The following RAB37 variants were observed in gnomAD, a reference collection of about 807,000 sequenced individuals.
RAB37 encodes RAB37, member RAS oncogene family, also known as ras-related protein Rab-37.
RAB37 carries 29 observed loss-of-function variants against 33.1 expected under a neutral mutation model. That is an observed-to-expected ratio of 0.88 (90% CI 0.65 to 1.20). The LOEUF (loss-of-function observed/expected upper bound fraction) is 1.20, where lower values mean the gene tolerates loss of function less well. Among genes scored for constraint, RAB37 ranks in the 50% most tolerant of loss-of-function variants. RAB37 has a pLI of 0.00. For synonymous variants in RAB37, 128 were observed against 119.5 expected (o/e 1.07, Z -0.47); for missense variants, 299 against 301.1 (o/e 0.99, Z 0.05).
rs1285375647 is a variant in RAB37, at chr17:74,730,693, C to T, written c.183+1327C>T. ...CCCACCCCAGCCCAGGCCCAGTCTG[C>T]TCTCAGCAGCCAGGGCACACCCTGC... is the stretch of plus-strand genomic sequence containing the variant. On this transcript the variant is annotated intron_variant, in intron 2 of 7. Coordinates refer to the RAB37 transcript ENST00000340415. This position sits in a 1 kb window ranked among gnomAD's most constrained non-coding sequence, Gnocchi z 4.4. Among the ~76,000 whole-genome samples the T allele has an allele frequency of 6.6e-6, 1 of 152,130 alleles. No individual in the cohort carries two copies. Among genetic ancestry groups the T allele is most frequent in the Non-Finnish European group, 1.5e-5 (1 of 68,014 alleles).
intron 1 of RAB37, among the ~76,000 whole-genome samples, chr17:74,673,182 C>A (rs1235110637): frequency 1.3e-5 from 2 of 151,916 alleles, no homozygotes; most frequent in African/African-American, 2.4e-5. Context: ...AGGCGGTGGA[C>A]CGCTTGAGGT....
Position 74,697,237 on chromosome 17 carries a change from C to G in RAB37, c.72+25579C>G, listed in dbSNP as rs2032576970. 2.0e-5 allele frequency among the ~76,000 whole-genome samples: 3 copies of G among 152,280 alleles called. No homozygotes were observed. In the South Asian group the frequency reaches 6.2e-4, roughly 32 times the overall value. ...GAGATTATAGGCATGAGCCACGACACCCAGAGATTGGATTGGATTGTTTTT... is the reference window on the plus strand; with the variant it reads ...GAGATTATAGGCATGAGCCACGACAGCCAGAGATTGGATTGGATTGTTTTT... On this transcript the variant is annotated intron_variant, in intron 1 of 7. Coordinates refer to the RAB37 transcript ENST00000340415.
chr17:74,704,622 C>T (rs1159980155), intron 1 of RAB37: 3 of 1,614,190 alleles, frequency 1.9e-6, no homozygotes, highest in South Asian at 2.2e-5. Flanking sequence ...TTGATGGACA[C>T]CCGGTCCCTC....
upstream of RAB37, among the ~76,000 whole-genome samples, chr17:74,733,202 G>C (rs940967844): frequency 2.6e-5 from 4 of 152,090 alleles, no homozygotes; most frequent in African/African-American, 9.7e-5. Flanking sequence ...ATGTGTGTTT[G>C]AGGGTCATGT....
At chr17:74,740,307 T>C (rs1176836605) in intron 1 of RAB37, among the ~76,000 whole-genome samples, 1 of 152,150 alleles carries the variant, frequency 6.6e-6, no homozygotes, top group African/African-American at 2.4e-5. Flanking sequence ...TGGGAATCCT[T>C]GTCCAATATA....
At position 74,745,316 on chromosome 17, in the gene RAB37, T is replaced by A. The variant is rs914677226; in HGVS notation, c.577T>A (p.Tyr193Asn). ...AFLAIAKELK[Y>N]RAGHQADEPS... ...TGTCTCTTCTTCAAGGGAACTGAAA[T>A]ACCGGGCCGGGCATCAGGCGGATGA... is the stretch of plus-strand genomic sequence containing the variant. The change falls in exon 9 of 9, where the codon TAC (tyrosine) becomes AAC (asparagine). Residue 193 changes from tyrosine (Y) to asparagine (N), a missense_variant. By Grantham distance (143) the Tyr-to-Asn change is moderately radical. Transcript: ENST00000392613. The surrounding 1 kb of genome is among the most constrained non-coding windows in gnomAD (Gnocchi z 4.5). 1.9e-6 allele frequency: 3 copies of A among 1,612,188 alleles called. No homozygotes were observed. Among genetic ancestry groups the A allele is most frequent in the Non-Finnish European group, 2.5e-6 (3 of 1,178,724 alleles).
intron 5 of RAB37, among the ~76,000 whole-genome samples, chr17:74,743,981 C>T (rs1239091709): frequency 2.6e-5 from 4 of 152,162 alleles, no homozygotes; most frequent in Admixed American, 6.5e-5. Context: ...CACTGAAACC[C>T]TTATGTGGTC....
intron 1 of RAB37, among the ~76,000 whole-genome samples, chr17:74,686,882 C>A (rs2032064832): frequency 6.6e-6 from 1 of 152,256 alleles, no homozygotes; most frequent in Non-Finnish European, 1.5e-5. Context: ...AATTTCACAA[C>A]TCTTTCCACT....
chr17:74,711,949 T>C (rs4789093), intron 1 of RAB37, among the ~76,000 whole-genome samples: 134,213 of 145,264 alleles, frequency 0.92, 62,259 homozygotes, highest in Non-Finnish European at 0.96. Flanking sequence ...CTGTCACCCA[T>C]GCTGGAAGGC....
At chr17:74,705,179 G>A in intron 1 of RAB37, 3 of 696,204 alleles carry the variant, frequency 4.3e-6, no homozygotes, top group Non-Finnish European at 2.6e-6. Context: ...GAAATACCAG[G>A]AGACCCCTTT....
chr17:74,745,117 G>T lies in RAB37; in HGVS notation c.566+33G>T. 6.2e-7 allele frequency: 1 copy of T among 1,607,716 alleles called. No homozygotes were observed. The highest frequency in any genetic ancestry group is 8.5e-7 in the Non-Finnish European group (1 of 1,174,628). On this transcript the variant is annotated intron_variant, in intron 8 of 8. Transcript: ENST00000392613. The surrounding 1 kb of genome is among the most constrained non-coding windows in gnomAD (Gnocchi z 4.5). Reference sequence around the variant, plus strand: ...CTGGGCAGGGAAGGGAAGTGTGCGGGGCAGGGCGGCACACTCCAGGAATCC... The same window carrying T: ...CTGGGCAGGGAAGGGAAGTGTGCGGTGCAGGGCGGCACACTCCAGGAATCC...
intron 1 of RAB37, among the ~76,000 whole-genome samples, chr17:74,686,823 T>C (rs1370537524): frequency 6.6e-6 from 1 of 152,244 alleles, no homozygotes; most frequent in Non-Finnish European, 1.5e-5. Context: ...CTTTGCTTAT[T>C]ATTAATTTTG....
At chr17:74,712,589 C>T (rs1369663993) in intron 1 of RAB37, among the ~76,000 whole-genome samples, 1 of 152,256 alleles carries the variant, frequency 6.6e-6, no homozygotes, top group Non-Finnish European at 1.5e-5. Flanking sequence ...GTCCATTTCA[C>T]ATGATCAGCC....
At chr17:74,706,280 A>ATATAT (rs200263662) in intron 1 of RAB37, among the ~76,000 whole-genome samples, 7 of 148,690 alleles carry the variant, frequency 4.7e-5, no homozygotes, top group East Asian at 2.0e-4. Flanking sequence ...AAGGAAAAAA[A>ATATAT]AAATATATAT....
upstream of RAB37, among the ~76,000 whole-genome samples, chr17:74,736,261 A>G (rs527709083): frequency 1.0e-3 from 155 of 150,768 alleles, no homozygotes; most frequent in Non-Finnish European, 1.9e-3. Context: ...CCCTCCCTAC[A>G]CATCCCTCAA....
At chr17:74,714,416 C>T (rs2034128968) in intron 1 of RAB37, among the ~76,000 whole-genome samples, 1 of 151,112 alleles carries the variant, frequency 6.6e-6, no homozygotes, top group Non-Finnish European at 1.5e-5. Context: ...CACACACACA[C>T]ACACACACAC....
At chr17:74,697,164 G>A (rs1010284352) in intron 1 of RAB37, among the ~76,000 whole-genome samples, 2 of 152,014 alleles carry the variant, frequency 1.3e-5, no homozygotes, top group East Asian at 3.9e-4. Flanking sequence ...GGCTGGTCTC[G>A]AACTCCTGAC....
At chr17:74,709,816 G>C (rs1024388131) in intron 1 of RAB37, among the ~76,000 whole-genome samples, 1 of 151,896 alleles carries the variant, frequency 6.6e-6, no homozygotes, top group African/African-American at 2.4e-5. Context: ...CAACCGATCT[G>C]CCTGCCTTAG....
At chr17:74,698,556 A>G in intron 1 of RAB37, 1 of 1,526,454 alleles carries the variant, frequency 6.6e-7, no homozygotes, top group Non-Finnish European at 8.8e-7. Flanking sequence ...CCCACCCAGC[A>G]GCAGGGGAGG....
Sources: allele counts gnomAD v4.1 joint callset (sites outside exome capture counted in the v4.1 genomes callset), GRCh38; gene constraint gnomAD v4.1.1; non-coding constraint Gnocchi (gnomAD v3.1); transcripts MANE v1.5; gene names NCBI Gene and HGNC (gene_info 2026-07-23, HGNC 2026-07-21).